ARLN: variants seen among roughly 807,000 people sequenced by gnomAD.
ARLN encodes the protein allregulin, also known as sarcoplasmic/endoplasmic reticulum calcium ATPase regulator ARLN.
chr4:119,297,325 G>A, the ARLN span: 1 of 152,234 alleles, frequency 6.6e-6, no homozygotes, highest in Non-Finnish European at 1.5e-5. Flanking sequence ...CAGATCTTAT[G>A]CCCTGTTTAA....
the ARLN span, chr4:119,297,217 A>G: frequency 6.6e-6 from 1 of 152,324 alleles, no homozygotes; most frequent in East Asian, 1.9e-4. Context: ...CAACACCTTA[A>G]AAGCATAATT....
chr4:119,301,794 G>T, the ARLN span, among the ~76,000 whole-genome samples: 6 of 152,256 alleles, frequency 3.9e-5, no homozygotes, highest in African/African-American at 1.4e-4. Flanking sequence ...AAATTATAAA[G>T]CCTAAAATTA....
At chr4:119,299,778 TGAAA>T in the ARLN span, among the ~76,000 whole-genome samples, 4 of 152,212 alleles carry the variant, frequency 2.6e-5, no homozygotes, top group Admixed American at 1.3e-4. Flanking sequence ...TGGCGTTTAC[TGAAA>T]TGGTAACGCT....
chr4:119,300,237 A>AT, the ARLN span: 5 of 941,726 alleles, frequency 5.3e-6, no homozygotes, highest in South Asian at 3.2e-5. Context: ...GATCTTGGAC[A>AT]TATATAAACT....
chr4:119,300,752 T>C, the ARLN span: 2 of 1,498,504 alleles, frequency 1.3e-6, no homozygotes, highest in South Asian at 2.5e-5. Flanking sequence ...AAGCGCGGCC[T>C]CCGCCTTGAC....
At chr4:119,301,551 A>T in the ARLN span, among the ~76,000 whole-genome samples, 1 of 152,182 alleles carries the variant, frequency 6.6e-6, no homozygotes, top group Non-Finnish European at 1.5e-5. Context: ...TCGTGGGTCC[A>T]ATTTCAAATA....
At chr4:119,298,823 C>T in the ARLN span, 1 of 768,428 alleles carries the variant, frequency 1.3e-6, no homozygotes, top group Non-Finnish European at 2.4e-6. Flanking sequence ...CTTTATCTTC[C>T]CAGTTTTTAA....
At chr4:119,302,399 C>T in the ARLN span, among the ~76,000 whole-genome samples, 2 of 152,074 alleles carry the variant, frequency 1.3e-5, no homozygotes, top group Admixed American at 6.5e-5. Context: ...TGTAAAAGTC[C>T]CACTGATTGT....
chr4:119,301,241 TAAAA>T, the ARLN span, among the ~76,000 whole-genome samples: 26 of 100,382 alleles, frequency 2.6e-4, no homozygotes, highest in Non-Finnish European at 2.5e-4. Flanking sequence ...CCGTCTCTAC[TAAAA>T]AAAAAAAAAA....
the ARLN span, chr4:119,300,599 G>C: frequency 6.2e-7 from 1 of 1,610,738 alleles, no homozygotes; most frequent in African/African-American, 1.3e-5. Flanking sequence ...GGACTTTGGT[G>C]TTCGCCGCAC....
chr4:119,296,988 A>C, the ARLN span: 1 of 152,232 alleles, frequency 6.6e-6, no homozygotes, highest in Non-Finnish European at 1.5e-5. Flanking sequence ...AAACTATGTG[A>C]GAACTGTTAA....
At chr4:119,300,610 C>G in the ARLN span, 1 of 1,606,014 alleles carries the variant, frequency 6.2e-7, no homozygotes, top group Non-Finnish European at 8.5e-7. Flanking sequence ...TTCGCCGCAC[C>G]GGAAACTGAG....
At chr4:119,300,104 G>A in the ARLN span, among the ~76,000 whole-genome samples, 6 of 151,944 alleles carry the variant, frequency 3.9e-5, no homozygotes, top group Non-Finnish European at 8.8e-5. Flanking sequence ...CAAATCATGA[G>A]AAAATATGAC....
At chr4:119,299,690 G>C in the ARLN span, among the ~76,000 whole-genome samples, 1 of 152,156 alleles carries the variant, frequency 6.6e-6, no homozygotes, top group African/African-American at 2.4e-5. Flanking sequence ...TTTGTAACTT[G>C]GTGTTTTAGG....
chr4:119,302,009 C>G, the ARLN span, among the ~76,000 whole-genome samples: 2 of 152,050 alleles, frequency 1.3e-5, no homozygotes, highest in Non-Finnish European at 2.9e-5. Context: ...TGGTAGTAGA[C>G]AAAAAGACCC....
the ARLN span, chr4:119,298,112 T>C: frequency 6.6e-6 from 1 of 152,196 alleles, no homozygotes; most frequent in Admixed American, 6.5e-5. Context: ...TCCTTCGTTA[T>C]AGGAGGCTCA....
the ARLN span, chr4:119,300,717 C>A: frequency 6.6e-7 from 1 of 1,525,340 alleles, no homozygotes. Flanking sequence ...CTCGGCTTTC[C>A]GCTGCCTCCG....
the ARLN span, among the ~76,000 whole-genome samples, chr4:119,299,406 A>C: frequency 3.3e-5 from 5 of 152,214 alleles, no homozygotes; most frequent in Non-Finnish European, 7.3e-5. Flanking sequence ...ACTCATAGGC[A>C]TGGTGACTAA....
chr4:119,300,158 C>G, the ARLN span, among the ~76,000 whole-genome samples: 3 of 151,802 alleles, frequency 2.0e-5, no homozygotes, highest in African/African-American at 7.3e-5. Flanking sequence ...CACGGACGTG[C>G]TAAAGAAGGA....
Sources: gnomAD v4.1 joint callset for allele counts (sites outside exome capture counted in the v4.1 genomes callset) on GRCh38, gnomAD v4.1.1 for gene constraint, MANE v1.5 for transcripts, NCBI Gene and HGNC (gene_info 2026-07-23, HGNC 2026-07-21) for gene names.